BCAS3: variants seen among roughly 807,000 people sequenced by gnomAD.
The protein encoded by BCAS3 is BCAS3 microtubule associated cell migration factor.
A neutral mutation model predicts 116.1 loss-of-function variants in BCAS3; 53 were observed. The ratio of observed to expected loss-of-function variants is 0.46; its 90% CI spans 0.37 to 0.57. The LOEUF (loss-of-function observed/expected upper bound fraction) is 0.57, where lower values mean the gene tolerates loss of function less well. Ranked by LOEUF, BCAS3 falls within the 20% of genes least tolerant of loss-of-function variation. The pLI is 0.00. For missense variants in BCAS3, 917 were observed against 1,165.4 expected, an observed-to-expected ratio of 0.79 and a Z score of 3.10; for synonymous variants, 391 against 408.2, an observed-to-expected ratio of 0.96 and a Z score of 0.51.
In BCAS3 at chr17:61,224,190, T is replaced by G. The variant is rs541266508; in HGVS notation, c.2425+139626T>G. ...TTTATAAGAGAAATCTTTAAGCATC[T>G]ATCATGTGCATCTCTGTACCATGGA... On this transcript the variant is annotated intron_variant, in intron 22 of 23. Transcript: ENST00000407086. The surrounding 1 kb of genome is among the most constrained non-coding windows in gnomAD (Gnocchi z 5.7). Among the ~76,000 whole-genome samples, 4 of 152,372 alleles carry G rather than the reference T, an allele frequency of 2.6e-5. 1 individual carries two copies. The East Asian group carries it at 5.8e-4, about 22-fold the overall frequency.
intron 22 of BCAS3, among the ~76,000 whole-genome samples, chr17:61,119,220 A>G (rs575847881): frequency 1.3e-5 from 2 of 152,306 alleles, no homozygotes; most frequent in African/African-American, 4.8e-5. Flanking sequence ...TTAAAAATGA[A>G]TGACTAAAAC....
At chr17:60,834,631 C>T (rs941247476) in intron 7 of BCAS3, among the ~76,000 whole-genome samples, 2 of 152,002 alleles carry the variant, frequency 1.3e-5, no homozygotes, top group Non-Finnish European at 2.9e-5. Context: ...TTTGGCCTCA[C>T]TGTGCTTGCT....
chr17:61,002,623 A>G (rs1050245687), intron 15 of BCAS3: 1 of 152,128 alleles, frequency 6.6e-6, no homozygotes, highest in African/African-American at 2.4e-5. Context: ...TTGGAAATAT[A>G]TTACTATCAA....
chr17:61,385,777 C>T (rs1692203728), intron 23 of BCAS3, among the ~76,000 whole-genome samples: 3 of 152,328 alleles, frequency 2.0e-5, no homozygotes, highest in East Asian at 1.9e-4. Flanking sequence ...AGGGAAAAAT[C>T]GATGCATGTC....
At chr17:60,830,183 G>T (rs1055912609) in intron 7 of BCAS3, among the ~76,000 whole-genome samples, 1 of 152,104 alleles carries the variant, frequency 6.6e-6, no homozygotes, top group Non-Finnish European at 1.5e-5. Flanking sequence ...TAGAGATGGG[G>T]TTTCACCATG....
chr17:60,803,781 T>A (rs1024158854), intron 6 of BCAS3, among the ~76,000 whole-genome samples: 2 of 147,722 alleles, frequency 1.4e-5, no homozygotes, highest in South Asian at 2.2e-4. Flanking sequence ...TTCCCTCTCA[T>A]AAGTAACTAT....
At chr17:60,877,154 G>A (rs2055685274) in intron 9 of BCAS3, among the ~76,000 whole-genome samples, 1 of 149,462 alleles carries the variant, frequency 6.7e-6, no homozygotes, top group South Asian at 2.1e-4. Context: ...AAAAGTAAGT[G>A]GTGAATATTT....
At chr17:61,069,675 T>C (rs2071103110) in intron 19 of BCAS3, among the ~76,000 whole-genome samples, 1 of 151,644 alleles carries the variant, frequency 6.6e-6, no homozygotes, top group African/African-American at 2.4e-5. Flanking sequence ...CCGTCTCTAC[T>C]AAAAATACAA....
At chr17:60,920,462 C>T (rs748624826) in intron 12 of BCAS3, among the ~76,000 whole-genome samples, 13 of 152,282 alleles carry the variant, frequency 8.5e-5, no homozygotes, top group Middle Eastern at 3.4e-3. Flanking sequence ...AGAAGACATA[C>T]GTATGGGCCA....
At chr17:61,116,262 A>AATC (rs1568386868) in intron 22 of BCAS3, among the ~76,000 whole-genome samples, 24 of 74,164 alleles carry the variant, frequency 3.2e-4, no homozygotes, top group African/African-American at 7.2e-4. Flanking sequence ...ATAAATAAAT[A>AATC]AATAAATAAA....
chr17:60,973,238 G>A (rs886595714), intron 14 of BCAS3, among the ~76,000 whole-genome samples: 2 of 152,114 alleles, frequency 1.3e-5, no homozygotes, highest in African/African-American at 2.4e-5. Context: ...GCAATAAGAA[G>A]GGGAGAAAGG....
intron 6 of BCAS3, among the ~76,000 whole-genome samples, chr17:60,779,557 CAG>C (rs1164923120): frequency 6.6e-6 from 1 of 152,058 alleles, no homozygotes; most frequent in Non-Finnish European, 1.5e-5. Context: ...TTAGTAGAGA[CAG>C]GGCTTCTCCA....
chr17:61,284,997 C>T (rs1319331346), intron 22 of BCAS3, among the ~76,000 whole-genome samples: 1 of 152,204 alleles, frequency 6.6e-6, no homozygotes, highest in African/African-American at 2.4e-5. Flanking sequence ...CCTGGTTCTC[C>T]TGTCTGTAGG....
In BCAS3 at chr17:61,346,819, G is replaced by A; in HGVS notation, c.2426-21508G>A. Among the ~76,000 whole-genome samples the A allele has an allele frequency of 6.6e-6, 1 of 152,200 alleles. No homozygotes were observed. Among genetic ancestry groups the A allele is most frequent in the Non-Finnish European group, 1.5e-5 (1 of 68,038 alleles). On this transcript the variant is annotated intron_variant, in intron 22 of 23. Transcript: ENST00000407086. This position sits in a 1 kb window ranked among gnomAD's most constrained non-coding sequence, Gnocchi z 5.4. ...TGTTAGAGGGTTAGCATGTGCTGTG[G>A]GGATGTGGTAGAGGGACTGGTTCCT...
At chr17:60,992,662 C>A (rs992827494) in intron 15 of BCAS3, among the ~76,000 whole-genome samples, 6 of 151,614 alleles carry the variant, frequency 4.0e-5, no homozygotes, top group Non-Finnish European at 8.8e-5. Context: ...GCACATGTGC[C>A]CCCGAACATA....
chr17:60,868,725 A>T (rs751781813), intron 8 of BCAS3, 42 bp downstream of exon 8: 3 of 1,269,170 alleles, frequency 2.4e-6, no homozygotes, highest in Admixed American at 2.2e-5. Context: ...AATAAGAAAC[A>T]TGCTCTCCTG....
intron 23 of BCAS3, among the ~76,000 whole-genome samples, chr17:61,385,424 C>T (rs1232516475): frequency 6.6e-6 from 1 of 152,224 alleles, no homozygotes; most frequent in African/African-American, 2.4e-5. Flanking sequence ...TTGGGGCAGA[C>T]CCCATATGGT....
chr17:61,085,735 G>A (rs535321246), intron 22 of BCAS3, among the ~76,000 whole-genome samples: 30 of 152,214 alleles, frequency 2.0e-4, no homozygotes, highest in African/African-American at 6.7e-4. Context: ...GTGTAGAGTC[G>A]CTATCATTGC....
chr17:60,778,767 A>G (rs2045531105), intron 6 of BCAS3, among the ~76,000 whole-genome samples: 3 of 152,208 alleles, frequency 2.0e-5, no homozygotes, highest in Admixed American at 2.0e-4. Context: ...AAGATGATAC[A>G]TCTACCATGT....
Sources: gnomAD v4.1 joint callset for allele counts (sites outside exome capture counted in the v4.1 genomes callset) on GRCh38, gnomAD v4.1.1 for gene constraint, Gnocchi (gnomAD v3.1) non-coding constraint, MANE v1.5 for transcripts, NCBI Gene and HGNC (gene_info 2026-07-23, HGNC 2026-07-21) for gene names.